The following CEP128 variants were observed in gnomAD, a reference collection of about 807,000 sequenced individuals.
The protein encoded by CEP128 is centrosomal protein 128kDa.
In CEP128, 132 loss-of-function variants were observed where a neutral mutation model predicts 156.7. The observed-to-expected ratio is 0.84, with a 90% confidence interval of 0.73 to 0.97. CEP128 has a LOEUF of 0.97. Among genes scored for constraint, CEP128 ranks in the 50% least tolerant of loss-of-function variants. CEP128 has a pLI of 0.00. For synonymous variants in CEP128, 469 were observed against 448.9 expected (o/e 1.04, Z -0.57); for missense variants, 1,252 against 1,281.9 (o/e 0.98, Z 0.36).
At chr14:80,649,824 T>TAATA (rs1219526519) in intron 19 of CEP128, among the ~76,000 whole-genome samples, 1 of 152,178 alleles carries the variant, frequency 6.6e-6, no homozygotes, top group Non-Finnish European at 1.5e-5. Flanking sequence ...TGTAGCCTTA[T>TAATA]AGTATAGTTT....
At chr14:80,823,302 G>C (rs1230482724) in intron 13 of CEP128, among the ~76,000 whole-genome samples, 1 of 152,198 alleles carries the variant, frequency 6.6e-6, no homozygotes, top group East Asian at 1.9e-4. Flanking sequence ...CGAGATTGCG[G>C]ATCTTCAGAT....
chr14:80,508,176 A>G (rs1888073176), intron 23 of CEP128, among the ~76,000 whole-genome samples: 1 of 152,132 alleles, frequency 6.6e-6, no homozygotes, highest in Non-Finnish European at 1.5e-5. Context: ...TTGGCCCCCC[A>G]AAGTGCTGGG....
downstream of CEP128, among the ~76,000 whole-genome samples, chr14:80,488,565 A>T (rs1156504561): frequency 1.3e-5 from 2 of 151,934 alleles, no homozygotes; most frequent in Non-Finnish European, 2.9e-5. Flanking sequence ...CCATTGTGGA[A>T]GTCAGTGTGG....
At chr14:80,911,976 T>C (rs1267485812) in intron 4 of CEP128, among the ~76,000 whole-genome samples, 1 of 152,184 alleles carries the variant, frequency 6.6e-6, no homozygotes, top group Non-Finnish European at 1.5e-5. Context: ...CCCAGCACTT[T>C]GGGAGGCCAA....
chr14:80,883,315 T>C (rs998375647), intron 8 of CEP128, among the ~76,000 whole-genome samples: 2 of 152,128 alleles, frequency 1.3e-5, no homozygotes, highest in East Asian at 1.9e-4. Context: ...TATCTTTGTT[T>C]GCAGATGATA....
intron 13 of CEP128, among the ~76,000 whole-genome samples, chr14:80,796,458 C>CA (rs766595128): frequency 0.011 from 1,511 of 140,310 alleles, 15 homozygotes; most frequent in Middle Eastern, 0.029. Flanking sequence ...AGATTCAGTC[C>CA]AAAAAAAAAA....
At chr14:80,522,329 A>C (rs1358589838) in intron 23 of CEP128, among the ~76,000 whole-genome samples, 1 of 152,220 alleles carries the variant, frequency 6.6e-6, no homozygotes, top group African/African-American at 2.4e-5. Flanking sequence ...ATGAGAGAGA[A>C]ATGAGTTCAA....
downstream of CEP128, among the ~76,000 whole-genome samples, chr14:80,486,728 GA>G (rs1204527094): frequency 6.6e-6 from 1 of 152,132 alleles, no homozygotes; most frequent in African/African-American, 2.4e-5. Context: ...CATTCTTAAA[GA>G]AAAGAATTTT....
intron 20 of CEP128, among the ~76,000 whole-genome samples, chr14:80,572,918 C>A (rs570768009): frequency 1.3e-5 from 2 of 152,112 alleles, no homozygotes; most frequent in South Asian, 2.1e-4. Context: ...ACACCCAGGT[C>A]ACTGTTTTTT....
At chr14:80,607,051 A>G (rs1005525472) in intron 19 of CEP128, among the ~76,000 whole-genome samples, 2 of 151,594 alleles carry the variant, frequency 1.3e-5, no homozygotes, top group African/African-American at 4.8e-5. Context: ...ACATATACAT[A>G]TATGTACATA....
chr14:80,731,677 C>T (rs971362928), intron 19 of CEP128, among the ~76,000 whole-genome samples: 17 of 151,890 alleles, frequency 1.1e-4, no homozygotes, highest in East Asian at 5.8e-4. Flanking sequence ...ATCTGATCTA[C>T]GAAGGAGAGC....
chr14:80,512,792 A>G (rs1888319751), intron 23 of CEP128, among the ~76,000 whole-genome samples: 1 of 151,944 alleles, frequency 6.6e-6, no homozygotes, highest in Admixed American at 6.6e-5. Context: ...ATAACATGTT[A>G]TTTTAAACTA....
At chr14:80,900,082 T>A in intron 6 of CEP128, 53 bp from the exon 7 acceptor site, 1 of 1,138,552 alleles carries the variant, frequency 8.8e-7, no homozygotes, top group Non-Finnish European at 1.3e-6. Flanking sequence ...AATTCTTCCA[T>A]GAAGATTCAC....
intron 15 of CEP128, among the ~76,000 whole-genome samples, chr14:80,783,134 A>T (rs1901215562): frequency 6.6e-6 from 1 of 152,138 alleles, no homozygotes; most frequent in South Asian, 2.1e-4. Context: ...GGTTAAGCTT[A>T]AAGTCCCTCC....
chr14:80,895,841 A>C, intron 7 of CEP128, 51 bp from the exon 8 acceptor site: 2 of 1,265,020 alleles, frequency 1.6e-6, no homozygotes, highest in Non-Finnish European at 2.2e-6. Flanking sequence ...TAGAAAATAC[A>C]CAGAACGAGT....
intron 19 of CEP128, among the ~76,000 whole-genome samples, chr14:80,703,299 T>A (rs1487461400): frequency 6.6e-6 from 1 of 152,106 alleles, no homozygotes; most frequent in Non-Finnish European, 1.5e-5. Flanking sequence ...GTATTGTCCA[T>A]AAATTCTATA....
At chr14:80,925,354 G>C (rs1380736075) in intron 2 of CEP128, among the ~76,000 whole-genome samples, 1 of 151,988 alleles carries the variant, frequency 6.6e-6, no homozygotes, top group Non-Finnish European at 1.5e-5. Context: ...AGAAACATGA[G>C]AAGTAGGTGA....
chr14:80,685,733 A>C (rs969203591), intron 19 of CEP128, among the ~76,000 whole-genome samples: 1 of 152,180 alleles, frequency 6.6e-6, no homozygotes, highest in African/African-American at 2.4e-5. Context: ...CAGTAACCAA[A>C]ATAGCATGAC....
rs1398373855 is a variant in CEP128 at position 80,785,383 on chromosome 14, C to T, written c.1723G>A (p.Ala575Thr). Residue 575 changes from alanine (A) to threonine (T), a missense_variant, in exon 15 of 25, where the codon GCT becomes ACT. Physicochemically the swap from Ala to Thr is moderately conservative, Grantham distance 58. Coordinates refer to ENST00000555265, the MANE Select transcript of CEP128 (RefSeq NM_152446.5). ...EKLRDIKSHQ[A>T]DLELEVKNSL... ...TTCTTAACTTCCAATTCAAGGTCAG[C>T]TTGATGAGACTTAATATCACGTAAT... 1 of 1,614,128 alleles carries T rather than the reference C, an allele frequency of 6.2e-7. No individual in the cohort carries two copies. Among genetic ancestry groups the T allele is most frequent in the Non-Finnish European group, 8.5e-7 (1 of 1,180,010 alleles).
Sources: allele counts gnomAD v4.1 joint callset (sites outside exome capture counted in the v4.1 genomes callset), GRCh38; gene constraint gnomAD v4.1.1; transcripts MANE v1.5; gene names NCBI Gene and HGNC (gene_info 2026-07-23, HGNC 2026-07-21).